Variants in PDGFC observed in about 807,000 individuals in gnomAD.
PDGFC encodes the protein platelet-derived growth factor C.
A neutral mutation model predicts 35.5 loss-of-function variants in PDGFC; 12 were observed. That is an observed-to-expected ratio of 0.34 (90% CI 0.22 to 0.55). PDGFC has a LOEUF of 0.55. Among genes scored for constraint, PDGFC ranks in the 20% least tolerant of loss-of-function variants. The pLI is 0.91. For synonymous variants in PDGFC, 159 were observed against 148.8 expected (o/e 1.07, Z -0.50); for missense variants, 322 against 412.4 (o/e 0.78, Z 1.90).
At chr4:156,855,449 G>T (rs1298527548) in intron 1 of PDGFC, among the ~76,000 whole-genome samples, 1 of 152,180 alleles carries the variant, frequency 6.6e-6, no homozygotes, top group East Asian at 1.9e-4. Context: ...TTGAATCTTG[G>T]TTTAGTTTGG....
At chr4:156,838,997 T>C (rs991396787) in intron 2 of PDGFC, among the ~76,000 whole-genome samples, 1 of 152,186 alleles carries the variant, frequency 6.6e-6, no homozygotes, top group Non-Finnish European at 1.5e-5. Context: ...ATGCTATTTA[T>C]TGGTGATCAA....
chr4:156,862,464 G>A (rs1729735632), intron 1 of PDGFC, among the ~76,000 whole-genome samples: 1 of 152,084 alleles, frequency 6.6e-6, no homozygotes, highest in Non-Finnish European at 1.5e-5. Flanking sequence ...CATTTTCTCA[G>A]TTTAGTAAAC....
intron 3 of PDGFC, among the ~76,000 whole-genome samples, chr4:156,799,457 G>A (rs758737094): frequency 2.0e-5 from 3 of 152,172 alleles, no homozygotes; most frequent in Non-Finnish European, 4.4e-5. Flanking sequence ...TACTGTAGGA[G>A]TGCCTATATT....
intron 2 of PDGFC, 72 bp from the exon 3 acceptor site, chr4:156,811,089 G>T: frequency 9.9e-7 from 1 of 1,014,690 alleles, no homozygotes; most frequent in Middle Eastern, 2.2e-4. Context: ...TTTCATGTCT[G>T]TGGGTGCTAT....
rs1730513942 is a variant in PDGFC, at chr4:156,891,655, C to A, written c.119-41239G>T. Among the ~76,000 whole-genome samples, 3 of 152,238 alleles carry A rather than the reference C, an allele frequency of 2.0e-5. 1 individual carries two copies. Among genetic ancestry groups the A allele is most frequent in the South Asian group, 4.1e-4 (2 of 4,820 alleles). ...AGTAAGAAAAGACAAATTGAAATAACCTCAGATTAACCTTTCAGCAAACTT... is the reference window on the plus strand; with the variant it reads ...AGTAAGAAAAGACAAATTGAAATAAACTCAGATTAACCTTTCAGCAAACTT... On this transcript the variant is annotated intron_variant, in intron 1 of 5. Coordinates refer to ENST00000502773, the MANE Select transcript of PDGFC (RefSeq NM_016205.3).
intron 1 of PDGFC, among the ~76,000 whole-genome samples, chr4:156,862,958 A>G (rs1560846252): frequency 1.3e-5 from 2 of 152,014 alleles, no homozygotes; most frequent in African/African-American, 4.8e-5. Context: ...CTCCCAAAGT[A>G]CTTGGATTAT....
intron 1 of PDGFC, among the ~76,000 whole-genome samples, chr4:156,940,313 T>G (rs2110904615): frequency 6.6e-6 from 1 of 152,260 alleles, no homozygotes; most frequent in Non-Finnish European, 1.5e-5. Context: ...TTTTGGAATC[T>G]TGTCTATATT....
intron 1 of PDGFC, among the ~76,000 whole-genome samples, chr4:156,927,062 G>A (rs906538792): frequency 1.3e-5 from 2 of 152,210 alleles, no homozygotes; most frequent in African/African-American, 4.8e-5. Flanking sequence ...ACAAAACCAT[G>A]TGGAAGCTGC....
chr4:156,927,810 C>T (rs997973739), intron 1 of PDGFC, among the ~76,000 whole-genome samples: 11 of 152,278 alleles, frequency 7.2e-5, no homozygotes, highest in East Asian at 3.9e-4. Context: ...GTTCCAAAGT[C>T]GCTTCCACAT....
chr4:156,862,233 T>G (rs1158588692), intron 1 of PDGFC, among the ~76,000 whole-genome samples: 2 of 152,140 alleles, frequency 1.3e-5, no homozygotes, highest in Non-Finnish European at 2.9e-5. Flanking sequence ...GATTCATGAA[T>G]AGAGCTGCAC....
intron 1 of PDGFC, among the ~76,000 whole-genome samples, chr4:156,945,385 ATATAT>A (rs1731922152): frequency 2.4e-5 from 3 of 124,074 alleles, no homozygotes; most frequent in East Asian, 2.3e-4. Flanking sequence ...ATATATATAT[ATATAT>A]AATCAGTAGG....
At chr4:156,787,142 T>C (rs1483968238) in intron 3 of PDGFC, among the ~76,000 whole-genome samples, 1 of 152,152 alleles carries the variant, frequency 6.6e-6, no homozygotes, top group Non-Finnish European at 1.5e-5. Context: ...GGTTATAAAG[T>C]GATCTCTATT....
chr4:156,891,715 T>C (rs1447510021), intron 1 of PDGFC, among the ~76,000 whole-genome samples: 2 of 117,802 alleles, frequency 1.7e-5, no homozygotes, highest in African/African-American at 3.6e-5. Flanking sequence ...TAAGTACAGA[T>C]TCAGCTGAAC....
At chr4:156,821,239 A>T (rs998004906) in intron 2 of PDGFC, among the ~76,000 whole-genome samples, 9 of 151,134 alleles carry the variant, frequency 6.0e-5, no homozygotes, top group African/African-American at 1.9e-4. Flanking sequence ...GTGAGTATAC[A>T]ATTTTTTTTG....
chr4:156,762,280 A>G lies in PDGFC; in HGVS notation c.*810T>C, dbSNP rs538858485. ...AAAAATAGTTGATCTAAGTTGTCATAAAAAAGAATATTAAATACCTTTGGT... is the reference window on the plus strand; with the variant it reads ...AAAAATAGTTGATCTAAGTTGTCATGAAAAAGAATATTAAATACCTTTGGT... On this transcript the variant is annotated 3_prime_UTR_variant, in exon 6 of 6. Transcript: ENST00000502773. 5.2e-5 allele frequency: 8 copies of G among 152,774 alleles called. No homozygotes were observed. The highest frequency in any genetic ancestry group is 7.3e-5 in the Non-Finnish European group (5 of 68,036). 9.5% of individuals were successfully genotyped at this position (152,774 alleles called of 1,614,324 possible).
chr4:156,888,534 T>C (rs1378069680), intron 1 of PDGFC, among the ~76,000 whole-genome samples: 1 of 152,192 alleles, frequency 6.6e-6, no homozygotes, highest in Non-Finnish European at 1.5e-5. Context: ...TCTTTCTTAC[T>C]CTATTATCAA....
chr4:156,769,874 G>A (rs926123051), intron 4 of PDGFC, among the ~76,000 whole-genome samples: 1 of 151,988 alleles, frequency 6.6e-6, no homozygotes, highest in African/African-American at 2.4e-5. Context: ...GGAGGAAGAA[G>A]ACTTAAAATA....
chr4:156,950,007 G>A (rs1270003885), intron 1 of PDGFC, among the ~76,000 whole-genome samples: 1 of 151,884 alleles, frequency 6.6e-6, no homozygotes, highest in East Asian at 1.9e-4. Context: ...CACTACCTAT[G>A]ACATTTTTCC....
At chr4:156,913,416 A>G (rs1010479294) in intron 1 of PDGFC, among the ~76,000 whole-genome samples, 3 of 152,166 alleles carry the variant, frequency 2.0e-5, no homozygotes, top group Admixed American at 1.3e-4. Context: ...AATGACTACA[A>G]TATCCTGAAA....
Sources: allele counts gnomAD v4.1 joint callset (sites outside exome capture counted in the v4.1 genomes callset), GRCh38; gene constraint gnomAD v4.1.1; transcripts MANE v1.5; gene names NCBI Gene and HGNC (gene_info 2026-07-23, HGNC 2026-07-21).